FOXP4: variants seen among roughly 807,000 people sequenced by gnomAD.
The protein encoded by FOXP4 is forkhead box protein P4.
In FOXP4, 25 loss-of-function variants were observed where a neutral mutation model predicts 82.6. That is an observed-to-expected ratio of 0.30 (90% CI 0.22 to 0.42). The LOEUF is 0.42. FOXP4 is among the 10% of genes least tolerant of loss of function. The probability of loss-of-function intolerance (pLI) is 1.00; values close to 1 mark genes in which losing one functional copy is unlikely to be tolerated. For missense variants in FOXP4, 785 were observed against 900.9 expected (o/e 0.87, Z 1.65); for synonymous variants, 415 against 388.2 (o/e 1.07, Z -0.81).
Position 41,598,988 on chromosome 6 carries a change from C to T in FOXP4, c.*52C>T, listed in dbSNP as rs1244031980. ...GGTGAGACCCCTCCCTTCCAGAATC[C>T]AGGCCCCATCTCCCCCAACTCCACA... is the stretch of plus-strand genomic sequence containing the variant. On this transcript the variant is annotated 3_prime_UTR_variant, in exon 17 of 17. Transcript: ENST00000307972. The T allele has an allele frequency of 6.7e-7, 1 of 1,483,468 alleles. No homozygotes were observed. The highest frequency in any genetic ancestry group is 1.4e-5 in the South Asian group (1 of 70,868). 91.9% of individuals were successfully genotyped at this position (1,483,468 alleles called of 1,614,324 possible).
chr6:41,571,832 T>A (rs1396432735), intron 2 of FOXP4, among the ~76,000 whole-genome samples: 2 of 152,066 alleles, frequency 1.3e-5, no homozygotes, highest in African/African-American at 4.8e-5. Flanking sequence ...TCCCCCCAGG[T>A]CAGTTCCCTC....
chr6:41,553,154 G>A (rs986848831), intron 1 of FOXP4, among the ~76,000 whole-genome samples: 2 of 152,096 alleles, frequency 1.3e-5, no homozygotes, highest in East Asian at 3.9e-4. Flanking sequence ...AGGACACTAT[G>A]ACCCATGCAA....
Position 41,577,860 on chromosome 6 carries a change from AC to A in FOXP4, c.205-123del, listed in dbSNP as rs1282591311. 5.1e-5 allele frequency: 33 copies of A among 641,914 alleles called. No homozygotes were observed. The East Asian group carries it at 9.1e-4, about 18-fold the overall frequency. 39.8% of individuals were successfully genotyped at this position (641,914 alleles called of 1,614,324 possible). A position where few individuals can be genotyped will look rare whatever the true frequency, so the allele number is the denominator to read the frequency against. On this transcript the variant is annotated intron_variant, in intron 2 of 16. Transcript: ENST00000307972. ...TACCCCAAGCCCTTATGGACCCATG[AC>A]CCTCTCACCCCCAAGACCTTCCACC... is the stretch of plus-strand genomic sequence containing the variant.
intron 9 of FOXP4, among the ~76,000 whole-genome samples, chr6:41,589,107 T>C (rs1370273435): frequency 6.6e-6 from 1 of 152,240 alleles, no homozygotes; most frequent in East Asian, 1.9e-4. Context: ...CTCCCCATTT[T>C]CCAGATGGAG....
chr6:41,559,997 T>C (rs1764477403), intron 1 of FOXP4, among the ~76,000 whole-genome samples: 1 of 152,234 alleles, frequency 6.6e-6, no homozygotes, highest in South Asian at 2.1e-4. Context: ...CTCCGTGCTA[T>C]TGTATTTTAA....
chr6:41,547,633 G>A (rs533139221), intron 1 of FOXP4: 1 of 152,644 alleles, frequency 6.6e-6, no homozygotes, highest in Admixed American at 6.5e-5. Context: ...TGCGCCGGAG[G>A]TGGAGGGTGG....
chr6:41,595,893 C>T (rs1321435785), intron 14 of FOXP4, among the ~76,000 whole-genome samples: 1 of 151,524 alleles, frequency 6.6e-6, no homozygotes, highest in Non-Finnish European at 1.5e-5. Context: ...CGTGCACCAG[C>T]GCACCTGGCC....
chr6:41,590,216 T>G (rs1267733189), intron 11 of FOXP4, 46 bp downstream of exon 11: 2 of 1,609,272 alleles, frequency 1.2e-6, no homozygotes, highest in Non-Finnish European at 1.7e-6. Context: ...CGTGAGGCTG[T>G]TTTTCCCATC....
At chr6:41,576,394 T>C (rs1581746060) in intron 2 of FOXP4, among the ~76,000 whole-genome samples, 1 of 152,186 alleles carries the variant, frequency 6.6e-6, no homozygotes, top group East Asian at 1.9e-4. Flanking sequence ...ATATGCTTGG[T>C]ACACAGTGGT....
At chr6:41,549,241 C>G (rs551680661) in intron 1 of FOXP4, among the ~76,000 whole-genome samples, 3 of 152,090 alleles carry the variant, frequency 2.0e-5, no homozygotes, top group Non-Finnish European at 4.4e-5. Flanking sequence ...TTCTCCCTGT[C>G]CTGGACAGGT....
intron 2 of FOXP4, among the ~76,000 whole-genome samples, chr6:41,567,529 C>T (rs143828466): frequency 1.3e-5 from 2 of 152,334 alleles, no homozygotes; most frequent in Non-Finnish European, 2.9e-5. Context: ...CACACCCCAC[C>T]AGAAATCTCC....
At chr6:41,576,593 G>A (rs1765502756) in intron 2 of FOXP4, among the ~76,000 whole-genome samples, 1 of 152,182 alleles carries the variant, frequency 6.6e-6, no homozygotes, top group East Asian at 1.9e-4. Context: ...CGCAGGGCAC[G>A]AGGCTATGTT....
intron 15 of FOXP4, 111 bp downstream of exon 15, chr6:41,597,353 G>T: frequency 1.7e-6 from 2 of 1,169,764 alleles, no homozygotes; most frequent in Admixed American, 1.9e-5. Flanking sequence ...GGGAAGGAGG[G>T]TGAAGACCCA....
intron 14 of FOXP4, among the ~76,000 whole-genome samples, chr6:41,595,894 G>A (rs1766804758): frequency 6.6e-6 from 1 of 150,538 alleles, no homozygotes. Context: ...GTGCACCAGC[G>A]CACCTGGCCT....
chr6:41,555,361 T>C (rs1318998903), intron 1 of FOXP4, among the ~76,000 whole-genome samples: 2 of 152,184 alleles, frequency 1.3e-5, no homozygotes, highest in South Asian at 2.1e-4. Context: ...TGTTTCAAGA[T>C]GAAATCAGCG....
intron 3 of FOXP4, among the ~76,000 whole-genome samples, chr6:41,578,478 C>T (rs1765619044): frequency 1.3e-5 from 2 of 151,782 alleles, no homozygotes; most frequent in African/African-American, 4.8e-5. Flanking sequence ...GGGGCTCAGC[C>T]CCTCCCAGGC....
At chr6:41,563,920 T>C (rs948897558) in intron 1 of FOXP4, among the ~76,000 whole-genome samples, 18 of 152,168 alleles carry the variant, frequency 1.2e-4, no homozygotes, top group African/African-American at 4.3e-4. Context: ...GGCTTGAGCA[T>C]CTGGAAATTA....
intron 14 of FOXP4, among the ~76,000 whole-genome samples, chr6:41,596,206 G>A (rs1420194112): frequency 1.3e-5 from 2 of 152,180 alleles, no homozygotes; most frequent in African/African-American, 2.4e-5. Context: ...CCTCCACCTG[G>A]CAGTTTAAAC....
At chr6:41,566,300 T>C (rs898852603) in intron 2 of FOXP4, among the ~76,000 whole-genome samples, 7 of 152,184 alleles carry the variant, frequency 4.6e-5, no homozygotes, top group Non-Finnish European at 8.8e-5. Flanking sequence ...GGCACTCCAC[T>C]CTTCACCTGC....
Sources: allele counts gnomAD v4.1 joint callset (sites outside exome capture counted in the v4.1 genomes callset), GRCh38; gene constraint gnomAD v4.1.1; transcripts MANE v1.5; gene names NCBI Gene and HGNC (gene_info 2026-07-23, HGNC 2026-07-21).